FSTL4: variants seen among roughly 807,000 people sequenced by gnomAD.
FSTL4 encodes follistatin-related protein 4.
Under a neutral mutation model 78.2 loss-of-function variants are expected in FSTL4, and 28 were observed. The ratio of observed to expected loss-of-function variants is 0.36; its 90% CI spans 0.27 to 0.49. The LOEUF is 0.49. FSTL4 is among the 20% of genes least tolerant of loss of function. FSTL4 has a pLI of 0.98. For synonymous variants in FSTL4, 422 were observed against 440.5 expected (o/e 0.96, Z 0.53); for missense variants, 922 against 1,084.9 (o/e 0.85, Z 2.11).
At position 133,251,873 on chromosome 5, in the gene FSTL4, G is replaced by A. The variant is rs190949403; in HGVS notation, c.728-2297C>T. 3.0e-3 allele frequency among the ~76,000 whole-genome samples: 457 copies of A among 152,324 alleles called. 2 individuals carry two copies. Among genetic ancestry groups the A allele is most frequent in the Non-Finnish European group, 5.5e-3 (377 of 68,030 alleles). ...ATGGAGGCCAGTGGTGGCTGTGGGAGGCCTTGCTTGGGGGAATATCCTGAC... is the reference window on the plus strand; with the variant it reads ...ATGGAGGCCAGTGGTGGCTGTGGGAAGCCTTGCTTGGGGGAATATCCTGAC... On this transcript the variant is annotated intron_variant, in intron 6 of 15. Coordinates refer to ENST00000265342, the MANE Select transcript of FSTL4 (RefSeq NM_015082.2).
chr5:133,768,116 A>G, the FSTL4 span, among the ~76,000 whole-genome samples: 1 of 152,048 alleles, frequency 6.6e-6, no homozygotes, highest in Non-Finnish European at 1.5e-5. Context: ...GATTTTTAGC[A>G]GCTAACTCTT....
At chr5:133,825,143 C>T in the FSTL4 span, among the ~76,000 whole-genome samples, 1 of 152,178 alleles carries the variant, frequency 6.6e-6, no homozygotes, top group Non-Finnish European at 1.5e-5. Context: ...CACACAGAGA[C>T]TCAGGAGTCA....
chr5:133,239,376 A>G (rs1262248277), intron 7 of FSTL4, among the ~76,000 whole-genome samples: 2 of 152,182 alleles, frequency 1.3e-5, no homozygotes, highest in Non-Finnish European at 2.9e-5. Flanking sequence ...AGGCAGCTCC[A>G]CCTGCAGACC....
At chr5:133,670,071 C>T in the FSTL4 span, among the ~76,000 whole-genome samples, 1 of 152,166 alleles carries the variant, frequency 6.6e-6, no homozygotes, top group Non-Finnish European at 1.5e-5. Flanking sequence ...TGCTGTAGGA[C>T]CCATGTCCTT....
the FSTL4 span, among the ~76,000 whole-genome samples, chr5:133,723,762 G>A: frequency 6.6e-6 from 1 of 152,188 alleles, no homozygotes; most frequent in Non-Finnish European, 1.5e-5. Flanking sequence ...CTGGGGGATA[G>A]GTCATCATGT....
At chr5:133,663,997 G>A in the FSTL4 span, among the ~76,000 whole-genome samples, 1 of 152,162 alleles carries the variant, frequency 6.6e-6, no homozygotes, top group Non-Finnish European at 1.5e-5. Flanking sequence ...TGTCCAAAGA[G>A]CTGTTGAATG....
At chr5:133,239,031 G>GGCCA (rs1751749287) in intron 7 of FSTL4, among the ~76,000 whole-genome samples, 1 of 152,212 alleles carries the variant, frequency 6.6e-6, no homozygotes, top group Admixed American at 6.5e-5. Flanking sequence ...GGGGCTTGTG[G>GGCCA]GCCAGCGTGA....
chr5:133,545,457 A>G (rs1184133428), intron 3 of FSTL4, among the ~76,000 whole-genome samples: 1 of 152,114 alleles, frequency 6.6e-6, no homozygotes, highest in African/African-American at 2.4e-5. Flanking sequence ...TCCCTACTAT[A>G]TTATGTCATG....
intron 7 of FSTL4, among the ~76,000 whole-genome samples, chr5:133,248,949 C>T (rs1478257410): frequency 1.3e-5 from 2 of 152,202 alleles, no homozygotes; most frequent in African/African-American, 4.8e-5. Context: ...CAGGGACCAC[C>T]CCTTCCCTGC....
At chr5:133,736,296 A>G in the FSTL4 span, among the ~76,000 whole-genome samples, 3 of 152,196 alleles carry the variant, frequency 2.0e-5, no homozygotes, top group African/African-American at 4.8e-5. Context: ...CCAGGATACC[A>G]GTTATTACTT....
intron 6 of FSTL4, among the ~76,000 whole-genome samples, chr5:133,274,002 G>A (rs1752824313): frequency 6.6e-6 from 1 of 152,152 alleles, no homozygotes; most frequent in South Asian, 2.1e-4. Context: ...CTCTCCTTGG[G>A]GAACAAAGTC....
intron 6 of FSTL4, among the ~76,000 whole-genome samples, chr5:133,296,605 C>A (rs1753401324): frequency 6.6e-6 from 1 of 152,172 alleles, no homozygotes; most frequent in Admixed American, 6.5e-5. Flanking sequence ...GTGCCCTCAC[C>A]CCTTCAACAC....
At chr5:133,774,115 AG>A in the FSTL4 span, among the ~76,000 whole-genome samples, 26 of 152,354 alleles carry the variant, frequency 1.7e-4, no homozygotes, top group East Asian at 4.8e-3. Context: ...AAATGAAAAC[AG>A]TGAATTCCTG....
intron 3 of FSTL4, among the ~76,000 whole-genome samples, chr5:133,497,653 G>A (rs1406830554): frequency 6.6e-6 from 1 of 152,170 alleles, no homozygotes; most frequent in Non-Finnish European, 1.5e-5. Context: ...GGGGATTGGA[G>A]TCTATGATGC....
At chr5:133,202,542 T>C (rs918465594) in intron 14 of FSTL4, 4 of 152,552 alleles carry the variant, frequency 2.6e-5, no homozygotes, top group African/African-American at 9.7e-5. Flanking sequence ...GGAGTTCATT[T>C]TTCTCTGGTG....
intron 4 of FSTL4, among the ~76,000 whole-genome samples, chr5:133,325,880 A>C (rs931962770): frequency 2.0e-5 from 3 of 152,142 alleles, no homozygotes; most frequent in Non-Finnish European, 4.4e-5. Context: ...ACTGGTTCCC[A>C]CACTTTCCCC....
intron 3 of FSTL4, among the ~76,000 whole-genome samples, chr5:133,546,484 T>G: frequency 8.2e-6 from 1 of 122,434 alleles, no homozygotes; most frequent in Admixed American, 1.1e-4. Context: ...CCAGCCTGGC[T>G]GACAGAGCGA....
chr5:133,224,021 C>T, intron 11 of FSTL4, 169 bp downstream of exon 11: 1 of 543,028 alleles, frequency 1.8e-6, no homozygotes, highest in East Asian at 3.1e-5. Flanking sequence ...GACAGGAGTA[C>T]ATTTTAAATT....
rs200921311 is a variant in FSTL4, at chr5:133,316,552, G to T, written c.510C>A (p.Asp170Glu). Residue 170 changes from aspartate to glutamate, a missense_variant, in exon 5 of 16, where the codon GAC (aspartate) becomes GAA (glutamate). By Grantham distance (45) the Asp-to-Glu change is conservative. Transcript: ENST00000265342. ...CCAGGAGGCGCTTCTGGGAGGCAGG[G>T]TCTTGTCTGCTGTCTCCTTCTTGGA... ...QPLQEGDSRQ[D>E]PASQKRLLVE... The T allele has an allele frequency of 2.3e-4, 370 of 1,613,920 alleles. 1 individual carries two copies. The highest frequency in any genetic ancestry group is 3.0e-4 in the Non-Finnish European group (350 of 1,179,898).
Sources: allele counts gnomAD v4.1 joint callset (sites outside exome capture counted in the v4.1 genomes callset), GRCh38; gene constraint gnomAD v4.1.1; transcripts MANE v1.5; gene names NCBI Gene and HGNC (gene_info 2026-07-23, HGNC 2026-07-21).